Variants in DLG2 observed in about 807,000 individuals in gnomAD.
DLG2 encodes the protein disks large homolog 2.
DLG2 carries 45 observed loss-of-function variants against 132.5 expected under a neutral mutation model. The ratio of observed to expected loss-of-function variants is 0.34; its 90% CI spans 0.27 to 0.44. The LOEUF (loss-of-function observed/expected upper bound fraction) is 0.44. Ranked by LOEUF, DLG2 falls within the 20% of genes least tolerant of loss-of-function variation. The pLI is 1.00. For synonymous variants in DLG2, 424 were observed against 419.6 expected (o/e 1.01, Z -0.13); for missense variants, 1,045 against 1,196.9 (o/e 0.87, Z 1.87).
intron 26 of DLG2, among the ~76,000 whole-genome samples, chr11:83,463,989 G>T (rs1283383582): frequency 1.3e-5 from 2 of 152,160 alleles, no homozygotes; most frequent in Admixed American, 6.5e-5. Flanking sequence ...GTCAGCATGT[G>T]GCATGGAGAC....
chr11:83,799,620 T>C lies in DLG2; in HGVS notation c.1723-12828A>G, dbSNP rs1348381814. 4.6e-5 allele frequency among the ~76,000 whole-genome samples: 7 copies of C among 152,132 alleles called. No homozygotes were observed. In the East Asian group the frequency reaches 1.3e-3, roughly 29 times the overall value. On this transcript the variant is annotated intron_variant, in intron 17 of 27. Transcript: ENST00000376104. ...AACAGAGTTTAAATAATATTTACTG[T>C]GTTGAGCAGATTGAAAATGGGAAAT...
intron 6 of DLG2, among the ~76,000 whole-genome samples, chr11:85,051,296 T>C (rs2062863943): frequency 6.6e-6 from 1 of 152,186 alleles, no homozygotes; most frequent in Non-Finnish European, 1.5e-5. Context: ...ATGTTTATTC[T>C]AACTCTGTAA....
chr11:84,239,240 G>A (rs1253808963), intron 8 of DLG2, among the ~76,000 whole-genome samples: 2 of 152,070 alleles, frequency 1.3e-5, no homozygotes, highest in African/African-American at 4.8e-5. Context: ...CAGTGTAGGG[G>A]TGTGATCTCG....
chr11:84,263,784 C>G (rs2097577064), intron 7 of DLG2, among the ~76,000 whole-genome samples: 1 of 151,946 alleles, frequency 6.6e-6, no homozygotes, highest in South Asian at 2.1e-4. Context: ...TAGAATGATT[C>G]TTTTGTGTGA....
intron 3 of DLG2, among the ~76,000 whole-genome samples, chr11:85,373,851 G>T (rs1398240418): frequency 6.6e-6 from 1 of 152,148 alleles, no homozygotes; most frequent in Non-Finnish European, 1.5e-5. Flanking sequence ...CATAATGACT[G>T]GTCAATGTAG....
chr11:83,784,213 A>G (rs1302358035), intron 18 of DLG2, among the ~76,000 whole-genome samples: 1 of 152,204 alleles, frequency 6.6e-6, no homozygotes, highest in Non-Finnish European at 1.5e-5. Flanking sequence ...GAATTTCCTA[A>G]TGGAATCTCA....
intron 6 of DLG2, among the ~76,000 whole-genome samples, chr11:84,927,251 T>C (rs1260144715): frequency 2.0e-5 from 3 of 152,056 alleles, no homozygotes; most frequent in African/African-American, 7.2e-5. Flanking sequence ...ATCTTTTTCC[T>C]AATCTATAAA....
intron 4 of DLG2, among the ~76,000 whole-genome samples, chr11:85,201,323 G>A (rs1221351947): frequency 6.6e-6 from 1 of 151,934 alleles, no homozygotes; most frequent in Admixed American, 6.6e-5. Context: ...CTCTGGAGAG[G>A]GCTGAGTCTC....
intron 3 of DLG2, among the ~76,000 whole-genome samples, chr11:85,400,813 A>G (rs1479029428): frequency 2.0e-5 from 3 of 151,882 alleles, no homozygotes; most frequent in Non-Finnish European, 4.4e-5. Flanking sequence ...GGATAGCATT[A>G]GGAGATATAC....
At chr11:84,570,510 C>A (rs2099477859) in intron 6 of DLG2, among the ~76,000 whole-genome samples, 1 of 152,182 alleles carries the variant, frequency 6.6e-6, no homozygotes, top group African/African-American at 2.4e-5. Context: ...CTATTATTTT[C>A]AATGCCTGGC....
In DLG2 at chr11:83,721,885, A is replaced by C. The variant is rs114233084; in HGVS notation, c.1825+64805T>G. On this transcript the variant is annotated intron_variant, in intron 18 of 27. Coordinates refer to ENST00000376104, the MANE Select transcript of DLG2 (RefSeq NM_001142699.3). ...ATATGATACTGGCAAAAAAATTTACATTGAAGAACTCTTGTAGGTATTTCA... is the reference window on the plus strand; with the variant it reads ...ATATGATACTGGCAAAAAAATTTACCTTGAAGAACTCTTGTAGGTATTTCA... 3.8e-3 allele frequency among the ~76,000 whole-genome samples: 580 copies of C among 152,332 alleles called. 5 individuals carry two copies. The highest frequency in any genetic ancestry group is 0.013 in the African/African-American group (559 of 41,572).
intron 12 of DLG2, among the ~76,000 whole-genome samples, chr11:83,979,717 A>C (rs567101581): frequency 6.6e-6 from 1 of 152,146 alleles, no homozygotes; most frequent in East Asian, 1.9e-4. Flanking sequence ...CATGTAGCAG[A>C]ACTCAGATTA....
At chr11:83,968,608 A>C (rs1379001369) in intron 12 of DLG2, among the ~76,000 whole-genome samples, 2 of 152,234 alleles carry the variant, frequency 1.3e-5, no homozygotes, top group African/African-American at 4.8e-5. Flanking sequence ...TACATATATT[A>C]ACACAATCAA....
chr11:83,742,114 A>C (rs895604504), intron 18 of DLG2, among the ~76,000 whole-genome samples: 2 of 152,032 alleles, frequency 1.3e-5, no homozygotes, highest in Non-Finnish European at 2.9e-5. Flanking sequence ...AAACTTCACA[A>C]ACGTTTTCTG....
intron 19 of DLG2, among the ~76,000 whole-genome samples, chr11:83,618,373 T>C (rs1434229590): frequency 3.9e-5 from 6 of 152,228 alleles, no homozygotes; most frequent in African/African-American, 1.4e-4. Flanking sequence ...TTTCTTACAA[T>C]GACCTTGTTA....
chr11:85,601,206 C>G (rs1383215111), intron 2 of DLG2, among the ~76,000 whole-genome samples: 1 of 152,046 alleles, frequency 6.6e-6, no homozygotes, highest in Non-Finnish European at 1.5e-5. Context: ...TGGGGTCTCC[C>G]TACATTGCCC....
intron 10 of DLG2, among the ~76,000 whole-genome samples, chr11:84,069,026 A>G (rs537880178): frequency 1.3e-5 from 2 of 152,328 alleles, no homozygotes; most frequent in Admixed American, 6.5e-5. Flanking sequence ...AGTAGAGCCA[A>G]GCCAAGTAAC....
intron 11 of DLG2, among the ~76,000 whole-genome samples, chr11:84,054,611 C>T (rs1344546338): frequency 2.0e-5 from 3 of 151,976 alleles, no homozygotes; most frequent in Admixed American, 6.6e-5. Flanking sequence ...GGCTATAAAT[C>T]ACCAATGAGA....
intron 18 of DLG2, among the ~76,000 whole-genome samples, chr11:83,638,477 T>C (rs1247942235): frequency 6.6e-6 from 1 of 152,204 alleles, no homozygotes; most frequent in Non-Finnish European, 1.5e-5. Flanking sequence ...ATCTAAAAGA[T>C]TGGCGCTTGG....
Sources: allele counts gnomAD v4.1 joint callset (sites outside exome capture counted in the v4.1 genomes callset), GRCh38; gene constraint gnomAD v4.1.1; transcripts MANE v1.5; gene names NCBI Gene and HGNC (gene_info 2026-07-23, HGNC 2026-07-21).